DGKB: variants seen among roughly 807,000 people sequenced by gnomAD.
DGKB encodes the protein diacylglycerol kinase beta.
DGKB carries 67 observed loss-of-function variants against 114.3 expected under a neutral mutation model. The observed-to-expected ratio is 0.59, with a 90% CI of 0.48 to 0.72. DGKB has a LOEUF of 0.72. DGKB is among the 30% of genes least tolerant of loss of function. The probability of loss-of-function intolerance (pLI) is 0.00; values close to 1 mark genes in which losing one functional copy is unlikely to be tolerated. For synonymous variants in DGKB, 398 were observed against 323.1 expected (o/e 1.23, Z -2.49); for missense variants, 907 against 975.2 (o/e 0.93, Z 0.93).
At chr7:14,613,906 A>G (rs768142057) in intron 15 of DGKB, among the ~76,000 whole-genome samples, 2 of 152,064 alleles carry the variant, frequency 1.3e-5, no homozygotes, top group Non-Finnish European at 2.9e-5. Flanking sequence ...ACTCAATAAG[A>G]TCCTTTGAGG....
intron 21 of DGKB, among the ~76,000 whole-genome samples, chr7:14,388,525 T>G (rs948623761): frequency 2.0e-5 from 3 of 150,962 alleles, no homozygotes; most frequent in East Asian, 1.9e-4. Flanking sequence ...GAGGAGATAA[T>G]AAGTCATCAT....
intron 1 of DGKB, among the ~76,000 whole-genome samples, chr7:14,895,072 AG>A (rs1338272262): frequency 2.0e-5 from 3 of 151,560 alleles, no homozygotes; most frequent in Non-Finnish European, 4.4e-5. Flanking sequence ...AGGAAGTTAC[AG>A]GTTGTTTATG....
rs148430257 is a variant in DGKB, at chr7:14,210,028, C to A, written c.2123-31877G>T. ...TACTGTGGCAAAGCTGAACAGAAAC[C>A]TAAATGTTATACATACAAAGTGGTA... On this transcript the variant is annotated intron_variant, in intron 23 of 25. Coordinates refer to ENST00000402815, the MANE Select transcript of DGKB (RefSeq NM_001350709.2). Among the ~76,000 whole-genome samples, 4 of 151,836 alleles carry A rather than the reference C, an allele frequency of 2.6e-5. No individual in the cohort carries two copies. The East Asian group carries it at 5.8e-4, about 22-fold the overall frequency.
At chr7:14,561,075 C>T (rs1796589997) in intron 20 of DGKB, among the ~76,000 whole-genome samples, 1 of 152,080 alleles carries the variant, frequency 6.6e-6, no homozygotes, top group African/African-American at 2.4e-5. Flanking sequence ...CCAAATCTCA[C>T]CTTGAATTTT....
intron 21 of DGKB, among the ~76,000 whole-genome samples, chr7:14,351,604 G>T (rs771047399): frequency 6.6e-6 from 1 of 151,646 alleles, no homozygotes; most frequent in Non-Finnish European, 1.5e-5. Context: ...ATTTTTTTTT[G>T]ATTGGCAACT....
At position 14,814,217 on chromosome 7, in the gene DGKB, T is replaced by C. The variant is rs1178327899; in HGVS notation, c.70+26977A>G. 8 of 152,306 alleles carry C rather than the reference T, an allele frequency of 5.3e-5. No individual in the cohort carries two copies. In the East Asian group the frequency reaches 1.5e-3, roughly 29 times the overall value. The allele number at this position is 152,306 out of a possible 1,614,324, so 9.4% of individuals were successfully genotyped here. On this transcript the variant is annotated intron_variant, in intron 2 of 25. Coordinates refer to ENST00000402815, the MANE Select transcript of DGKB (RefSeq NM_001350709.2). ...CAGAGAGCTTCCAGAAAAAGTGTCT[T>C]CTCTCTTAAGATATAACCACAAGAA...
chr7:14,624,143 C>T (rs1051497949), intron 14 of DGKB, among the ~76,000 whole-genome samples: 2 of 152,064 alleles, frequency 1.3e-5, no homozygotes, highest in African/African-American at 4.8e-5. Flanking sequence ...GTGGTTACGT[C>T]AGGAACATAT....
chr7:14,421,003 C>T (rs1352475848), intron 21 of DGKB, among the ~76,000 whole-genome samples: 1 of 152,024 alleles, frequency 6.6e-6, no homozygotes, highest in East Asian at 1.9e-4. Context: ...TCTGATTGGA[C>T]GTGGGCCAAG....
At chr7:14,593,569 C>T (rs1049157251) in intron 17 of DGKB, among the ~76,000 whole-genome samples, 4 of 151,694 alleles carry the variant, frequency 2.6e-5, no homozygotes, top group African/African-American at 4.8e-5. Flanking sequence ...ATAAGTAAAA[C>T]ACTTTTGTAA....
intron 17 of DGKB, among the ~76,000 whole-genome samples, chr7:14,601,735 A>C (rs986002965): frequency 6.6e-6 from 1 of 152,210 alleles, no homozygotes; most frequent in African/African-American, 2.4e-5. Context: ...GGACATGGAT[A>C]CAATTCGACA....
At chr7:14,536,500 A>AATTTAACAC (rs1450190905) in intron 20 of DGKB, among the ~76,000 whole-genome samples, 2 of 152,210 alleles carry the variant, frequency 1.3e-5, no homozygotes, top group African/African-American at 4.8e-5. Flanking sequence ...ATGCAAGGAC[A>AATTTAACAC]ATTTAACACA....
intron 21 of DGKB, among the ~76,000 whole-genome samples, chr7:14,453,575 T>C (rs1831842857): frequency 6.6e-6 from 1 of 152,288 alleles, no homozygotes; most frequent in African/African-American, 2.4e-5. Flanking sequence ...TATCGTTCTC[T>C]GTATGACAGA....
At chr7:14,789,036 C>A (rs897175137) in intron 2 of DGKB, among the ~76,000 whole-genome samples, 1 of 151,856 alleles carries the variant, frequency 6.6e-6, no homozygotes, top group Non-Finnish European at 1.5e-5. Context: ...ACTCCAGACC[C>A]AACCTTAAGC....
chr7:14,891,076 T>C (rs940254351), intron 1 of DGKB, among the ~76,000 whole-genome samples: 3 of 151,360 alleles, frequency 2.0e-5, no homozygotes, highest in African/African-American at 4.8e-5. Context: ...CAGGTACTTG[T>C]TCAGCATCAG....
At chr7:14,877,511 C>T (rs1452628523) in intron 1 of DGKB, among the ~76,000 whole-genome samples, 3 of 152,224 alleles carry the variant, frequency 2.0e-5, no homozygotes, top group East Asian at 3.9e-4. Flanking sequence ...GCTGAGATAG[C>T]GCCATTGCAC....
chr7:14,174,688 A>C (rs962207856), intron 25 of DGKB, among the ~76,000 whole-genome samples: 3 of 152,062 alleles, frequency 2.0e-5, no homozygotes, highest in Non-Finnish European at 4.4e-5. Context: ...GAGTTTTACC[A>C]CTATTTCCAC....
intron 2 of DGKB, among the ~76,000 whole-genome samples, chr7:14,794,589 A>G (rs974484371): frequency 6.6e-6 from 1 of 152,166 alleles, no homozygotes; most frequent in Non-Finnish European, 1.5e-5. Flanking sequence ...GTATGCCCTG[A>G]AGTATAGCCT....
upstream of DGKB, among the ~76,000 whole-genome samples, chr7:14,906,454 T>C (rs1352656260): frequency 3.6e-5 from 2 of 55,400 alleles, no homozygotes; most frequent in Non-Finnish European, 5.3e-5. Flanking sequence ...TGTCTTTTTT[T>C]TTTTTTTTTT....
chr7:14,430,956 G>A lies in DGKB; in HGVS notation c.1835+47205C>T, dbSNP rs886088105. Among the ~76,000 whole-genome samples, 7 of 152,186 alleles carry A rather than the reference G, an allele frequency of 4.6e-5. No homozygotes were observed. In the South Asian group the frequency reaches 6.2e-4, roughly 14 times the overall value. On this transcript the variant is annotated intron_variant, in intron 21 of 25. Coordinates refer to ENST00000402815, the MANE Select transcript of DGKB (RefSeq NM_001350709.2). ...TCTGCATAGACATATCTACCTAGAA[G>A]AGCCTACCTCAGAGAGGAATTTCCC... is the stretch of plus-strand genomic sequence containing the variant.
Sources: gnomAD v4.1 joint callset for allele counts (sites outside exome capture counted in the v4.1 genomes callset) on GRCh38, gnomAD v4.1.1 for gene constraint, MANE v1.5 for transcripts, NCBI Gene and HGNC (gene_info 2026-07-23, HGNC 2026-07-21) for gene names.